Variants in TMEM163 observed in about 807,000 individuals in gnomAD.
TMEM163 encodes transmembrane protein 163.
TMEM163 carries 17 observed loss-of-function variants against 29.3 expected under a neutral mutation model. The observed-to-expected ratio is 0.58, with a 90% CI of 0.40 to 0.87. The LOEUF (loss-of-function observed/expected upper bound fraction) is 0.87. Ranked by LOEUF, TMEM163 falls within the 40% of genes least tolerant of loss-of-function variation. The probability of loss-of-function intolerance (pLI) is 0.00; values close to 1 mark genes in which losing one functional copy is unlikely to be tolerated. For missense variants in TMEM163, 303 were observed against 381.5 expected (o/e 0.79, Z 1.71); for synonymous variants, 157 against 160.6 (o/e 0.98, Z 0.17).
rs563968211 is a variant in TMEM163, at chr2:134,456,670, G to A, written c.*46C>T. 217 of 1,606,718 alleles carry A rather than the reference G, an allele frequency of 1.4e-4. No homozygotes were observed. The highest frequency in any genetic ancestry group is 1.7e-4 in the Non-Finnish European group (205 of 1,174,744). The stretch of plus-strand genomic sequence containing the variant: ...TTAAATATTGGCACCCTTTGCCTAT[G>A]TGGAAACTCCTCATCTCGATGGTCT... On this transcript the variant is annotated 3_prime_UTR_variant, in exon 8 of 8. Coordinates refer to ENST00000281924, the MANE Select transcript of TMEM163 (RefSeq NM_030923.5).
At chr2:134,550,924 G>A (rs981887027) in intron 3 of TMEM163, among the ~76,000 whole-genome samples, 8 of 152,208 alleles carry the variant, frequency 5.3e-5, no homozygotes, top group African/African-American at 1.9e-4. Context: ...GAAGGTGGGG[G>A]AGTTCACTGT....
Position 134,502,944 on chromosome 2 carries a change from A to C in TMEM163, c.512T>G (p.Val171Gly). Reference sequence around the variant, plus strand: ...AGTTGAGAGGTCATGGATGGCTTTGACCACTATACATATGGATGACAGAAG... The same window carrying C: ...AGTTGAGAGGTCATGGATGGCTTTGCCCACTATACATATGGATGACAGAAG... ...IFLLSSICIV[V>G]KAIHDLSTRL... is the part of the protein sequence containing the mutation. Residue 171 changes from valine to glycine, a missense_variant, in exon 5 of 8, where the codon GTC becomes GGC. Physicochemically the swap from Val to Gly is moderately radical, Grantham distance 109. Around this residue, in one of 2 missense-constraint regions of TMEM163, gnomAD observed 203 missense variants for 294.3 expected, o/e 0.69. Transcript: ENST00000281924. The C allele has an allele frequency of 6.2e-7, 1 of 1,614,036 alleles. No individual in the cohort carries two copies. Among genetic ancestry groups the C allele is most frequent in the Non-Finnish European group, 8.5e-7 (1 of 1,179,978 alleles).
At chr2:134,561,668 C>T (rs1681186920) in intron 2 of TMEM163, among the ~76,000 whole-genome samples, 1 of 152,226 alleles carries the variant, frequency 6.6e-6, no homozygotes, top group African/African-American at 2.4e-5. Context: ...CTTGCTCTTA[C>T]ACCTCCTTGT....
rs1574191030 is a variant in TMEM163, at chr2:134,509,288, T to C, written c.459-6291A>G. 3.3e-5 allele frequency among the ~76,000 whole-genome samples: 5 copies of C among 152,362 alleles called. No individual in the cohort carries two copies. The South Asian group carries it at 1.0e-3, about 32-fold the overall frequency. On this transcript the variant is annotated intron_variant, in intron 4 of 7. Transcript: ENST00000281924. ...GGCCACATGTAGTTGGTGACTACCA[T>C]ACTGGACAGTACAGTTCTAAAGGTT...
chr2:134,613,519 G>T (rs1331988516), intron 2 of TMEM163, among the ~76,000 whole-genome samples: 1 of 152,072 alleles, frequency 6.6e-6, no homozygotes, highest in East Asian at 1.9e-4. Flanking sequence ...GAGAAAAATA[G>T]TTCATCACAT....
intron 2 of TMEM163, among the ~76,000 whole-genome samples, chr2:134,610,411 G>A (rs190226187): frequency 1.1e-3 from 173 of 152,288 alleles, no homozygotes; most frequent in African/African-American, 3.8e-3. Flanking sequence ...CAGCTGCAGC[G>A]CTTCTTAAAA....
chr2:134,692,987 G>T (rs1220921664), intron 2 of TMEM163, among the ~76,000 whole-genome samples: 4 of 152,176 alleles, frequency 2.6e-5, no homozygotes, highest in Non-Finnish European at 5.9e-5. Context: ...CGTTCCAGTT[G>T]CAGGTTTCCA....
intron 2 of TMEM163, among the ~76,000 whole-genome samples, chr2:134,662,142 A>G (rs968118784): frequency 3.3e-5 from 5 of 151,834 alleles, no homozygotes; most frequent in African/African-American, 1.2e-4. Flanking sequence ...TCACCGTGTT[A>G]GCCAGGATGG....
At chr2:134,689,873 C>T (rs775188600) in intron 2 of TMEM163, among the ~76,000 whole-genome samples, 9 of 152,182 alleles carry the variant, frequency 5.9e-5, no homozygotes, top group Non-Finnish European at 8.8e-5. Flanking sequence ...CAAAGAACGG[C>T]ATGCAGAGCC....
intron 6 of TMEM163, chr2:134,458,847 A>G (rs1686460518): frequency 6.6e-6 from 1 of 152,172 alleles, no homozygotes; most frequent in African/African-American, 2.4e-5. Context: ...AGTTTTTTGC[A>G]AAGTATTGGC....
chr2:134,502,254 G>C (rs1470209523), intron 5 of TMEM163, among the ~76,000 whole-genome samples: 1 of 152,150 alleles, frequency 6.6e-6, no homozygotes, highest in Non-Finnish European at 1.5e-5. Context: ...TGTAATGGCA[G>C]CATCTTCATC....
intron 2 of TMEM163, among the ~76,000 whole-genome samples, chr2:134,650,811 G>C (rs1249235153): frequency 7.4e-6 from 1 of 134,366 alleles, no homozygotes; most frequent in Non-Finnish European, 1.5e-5. Context: ...TTTTGTTCTT[G>C]TGATAGTTTA....
chr2:134,597,253 T>C lies in TMEM163; in HGVS notation c.323-45162A>G, dbSNP rs567412852. 2.6e-5 allele frequency among the ~76,000 whole-genome samples: 4 copies of C among 152,364 alleles called. No individual in the cohort carries two copies. The South Asian group carries it at 8.3e-4, about 32-fold the overall frequency. On this transcript the variant is annotated intron_variant, in intron 2 of 7. Coordinates refer to ENST00000281924, the MANE Select transcript of TMEM163 (RefSeq NM_030923.5). ...CAGCATGATATTGGCTGTGGGTTTG[T>C]CATAGATAGCTCTTATTATTTTGAG...
intron 6 of TMEM163, chr2:134,458,791 T>A (rs894508304): frequency 5.9e-5 from 9 of 152,238 alleles, no homozygotes; most frequent in African/African-American, 1.9e-4. Flanking sequence ...TAACCTGAGG[T>A]TTTTTCCTTT....
intron 2 of TMEM163, among the ~76,000 whole-genome samples, chr2:134,583,406 T>C (rs1438337959): frequency 6.6e-6 from 1 of 152,148 alleles, no homozygotes; most frequent in African/African-American, 2.4e-5. Context: ...ATTTGTCACT[T>C]ACAGTGATAA....
chr2:134,700,942 A>ACAAT (rs1684689135), intron 2 of TMEM163, among the ~76,000 whole-genome samples: 1 of 119,304 alleles, frequency 8.4e-6, no homozygotes. Flanking sequence ...AAATAAATAA[A>ACAAT]TAAATAAAGT....
intron 5 of TMEM163, among the ~76,000 whole-genome samples, chr2:134,494,020 C>T (rs533653581): frequency 6.6e-6 from 1 of 152,198 alleles, no homozygotes; most frequent in African/African-American, 2.4e-5. Flanking sequence ...AATAGACCTA[C>T]ACATATCCCC....
chr2:134,560,602 A>G (rs1331161093), intron 2 of TMEM163, among the ~76,000 whole-genome samples: 3 of 152,206 alleles, frequency 2.0e-5, no homozygotes, highest in Non-Finnish European at 4.4e-5. Flanking sequence ...GGACAGCTTG[A>G]AGCATTTGCA....
At chr2:134,713,958 C>G (rs1684984517) in intron 1 of TMEM163, among the ~76,000 whole-genome samples, 1 of 152,176 alleles carries the variant, frequency 6.6e-6, no homozygotes, top group African/African-American at 2.4e-5. Context: ...TTTTAGCAAG[C>G]ACATGTCAAA....
Sources: allele counts gnomAD v4.1 joint callset (sites outside exome capture counted in the v4.1 genomes callset), GRCh38; gene constraint gnomAD v4.1.1; regional missense constraint gnomAD v4.1.1; transcripts MANE v1.5; gene names NCBI Gene and HGNC (gene_info 2026-07-23, HGNC 2026-07-21).